OR52N4: variants seen among roughly 807,000 people sequenced by gnomAD.
The protein encoded by OR52N4 is olfactory receptor 52N4.
A neutral mutation model predicts 15.0 loss-of-function variants in OR52N4; 15 were observed. That is an observed-to-expected ratio of 1.00 (90% CI 0.67 to 1.54). The LOEUF (loss-of-function observed/expected upper bound fraction) is 1.54, where lower values mean the gene tolerates loss of function less well. Ranked by LOEUF, OR52N4 falls within the 40% of genes most tolerant of loss-of-function variation. The pLI is 0.00. For synonymous variants in OR52N4, 143 were observed against 143.7 expected (o/e 1.00, Z 0.03); for missense variants, 421 against 394.0 (o/e 1.07, Z -0.58).
chr11:5,752,784 C>A (rs1854216704), upstream of OR52N4, among the ~76,000 whole-genome samples: 1 of 152,120 alleles, frequency 6.6e-6, no homozygotes, highest in Non-Finnish European at 1.5e-5. Context: ...GACCCTTCTA[C>A]CACATACTGC....
the OR52N4 span, among the ~76,000 whole-genome samples, chr11:5,743,950 G>T: frequency 6.6e-6 from 1 of 151,708 alleles, no homozygotes; most frequent in African/African-American, 2.4e-5. Flanking sequence ...TTGGTTCTTT[G>T]AAAAGATAAA....
chr11:5,730,354 G>A, the OR52N4 span, among the ~76,000 whole-genome samples: 1 of 151,818 alleles, frequency 6.6e-6, no homozygotes, highest in Non-Finnish European at 1.5e-5. Flanking sequence ...ACCATGCCTG[G>A]CTAATTTTTT....
the OR52N4 span, among the ~76,000 whole-genome samples, chr11:5,740,304 G>C: frequency 7.8e-6 from 1 of 127,658 alleles, no homozygotes; most frequent in African/African-American, 2.8e-5. Context: ...GCATTTGAAA[G>C]GTATGTGGAG....
At chr11:5,745,867 AGTAAC>A in the OR52N4 span, among the ~76,000 whole-genome samples, 1 of 152,188 alleles carries the variant, frequency 6.6e-6, no homozygotes, top group Non-Finnish European at 1.5e-5. Flanking sequence ...ACAATGCTAT[AGTAAC>A]CAAAACAGCA....
At position 5,755,218 on chromosome 11, in the gene OR52N4, C is replaced by T. The variant is rs753069247; in HGVS notation, c.478C>T (p.Pro160Ser). ...CCTGAGAGGGGTATTACTCATTATT[C>T]CCTTTACTTTCCTCACCAAGCTCCT... ...TFLRGVLLII[P>S]FTFLTKLLPY... Residue 160 changes from proline to serine, a missense_variant, in exon 2 of 2, where the codon CCC becomes TCC. By Grantham distance (74) the Pro-to-Ser change is moderately conservative (BLOSUM62 -1). Transcript: ENST00000641350. 1.2e-6 allele frequency: 2 copies of T among 1,613,970 alleles called. No homozygotes were observed. Among genetic ancestry groups the T allele is most frequent in the Non-Finnish European group, 1.7e-6 (2 of 1,179,944 alleles).
At chr11:5,736,458 G>T in the OR52N4 span, 1 of 1,475,048 alleles carries the variant, frequency 6.8e-7, no homozygotes, top group Non-Finnish European at 9.4e-7. Context: ...TTCTGTGGTG[G>T]TTCCAACCTG....
At chr11:5,727,656 G>T in the OR52N4 span, among the ~76,000 whole-genome samples, 1 of 152,116 alleles carries the variant, frequency 6.6e-6, no homozygotes, top group South Asian at 2.1e-4. Context: ...GTAAACATGG[G>T]AAGATTCTTG....
chr11:5,754,625 A>T, intron 1 of OR52N4, 68 bp from the exon 2 acceptor site: 1 of 1,135,398 alleles, frequency 8.8e-7, no homozygotes, highest in Non-Finnish European at 1.2e-6. Flanking sequence ...TGGAATTTTT[A>T]AAAGTTGGGG....
chr11:5,734,688 T>C, the OR52N4 span, among the ~76,000 whole-genome samples: 1 of 152,126 alleles, frequency 6.6e-6, no homozygotes, highest in Non-Finnish European at 1.5e-5. Context: ...GATATTAGGA[T>C]GTAAAGTAAT....
At position 5,754,973 on chromosome 11, in the gene OR52N4, G is replaced by C. The variant is rs190345271; in HGVS notation, c.233G>C (p.Ser78Thr). Reference protein sequence around the residue: ...LSFTDLVMCSSTIPKALCIFW... With the variant: ...LSFTDLVMCSTTIPKALCIFW... ...TTTACTGACCTTGTTATGTGCTCTA[G>C]TACAATCCCTAAAGCCCTCTGCATC... is the stretch of plus-strand genomic sequence containing the variant. Residue 78 changes from serine (S) to threonine (T), a missense_variant, in exon 2 of 2, where the codon AGT (serine) becomes ACT (threonine). By Grantham distance (58) the Ser-to-Thr change is moderately conservative. Coordinates refer to ENST00000641350, the MANE Select transcript of OR52N4 (RefSeq NM_001005175.5). The C allele has an allele frequency of 6.2e-7, 1 of 1,613,800 alleles. No individual in the cohort carries two copies. Among genetic ancestry groups the C allele is most frequent in the Non-Finnish European group, 8.5e-7 (1 of 1,179,852 alleles).
In OR52N4 at chr11:5,754,906, G is replaced by C. The variant is rs1351136950; in HGVS notation, c.166G>C (p.Ala56Pro). Residue 56 changes from alanine to proline, a missense_variant, in exon 2 of 2, where the codon GCC becomes CCC. Coordinates refer to ENST00000641350, the MANE Select transcript of OR52N4 (RefSeq NM_001005175.5). Reference protein sequence around the residue: ...GLLYLIHYEDALHKPMYYFLA... With the variant: ...GLLYLIHYEDPLHKPMYYFLA... The stretch of plus-strand genomic sequence containing the variant: ...CCTCTACCTCATTCACTATGAGGAT[G>C]CCCTGCACAAACCCATGTACTACTT... 6.2e-7 allele frequency: 1 copy of C among 1,613,682 alleles called. No homozygotes were observed. Among genetic ancestry groups the C allele is most frequent in the Non-Finnish European group, 8.5e-7 (1 of 1,179,794 alleles).
Position 5,755,465 on chromosome 11 carries a change from C to T in OR52N4, c.725C>T (p.Thr242Ile), listed in dbSNP as rs757013236. Residue 242 changes from threonine to isoleucine, a missense_variant, in exon 2 of 2, where the codon ACC (threonine) becomes ATC (isoleucine). Coordinates refer to ENST00000641350, the MANE Select transcript of OR52N4 (RefSeq NM_001005175.5). ...SADARQKAFN[T>I]CTAHICAIVF... ...GATGCTCGGCAGAAGGCCTTTAATA[C>T]CTGCACTGCCCACATTTGTGCCATT... The T allele has an allele frequency of 1.9e-6, 3 of 1,614,082 alleles. No homozygotes were observed. Among genetic ancestry groups the T allele is most frequent in the Non-Finnish European group, 1.7e-6 (2 of 1,179,970 alleles).
At chr11:5,738,960 T>C in the OR52N4 span, among the ~76,000 whole-genome samples, 2 of 81,238 alleles carry the variant, frequency 2.5e-5, 1 homozygote, top group African/African-American at 8.5e-5. Context: ...AGAAAGTCTG[T>C]TATACATTAT....
In OR52N4 at chr11:5,754,941, G is replaced by A. The variant is rs956160207; in HGVS notation, c.201G>A (p.Met67Ile). 1 of 1,613,646 alleles carries A rather than the reference G, an allele frequency of 6.2e-7. No homozygotes were observed. The highest frequency in any genetic ancestry group is 1.3e-5 in the African/African-American group (1 of 74,888). The change falls in exon 2 of 2, where the codon ATG becomes ATA. Residue 67 changes from methionine (M) to isoleucine (I), a missense_variant. Transcript: ENST00000641350. ...AACCCATGTACTACTTCTTGGCCATGCTTTCCTTTACTGACCTTGTTATGT... is the reference window on the plus strand; with the variant it reads ...AACCCATGTACTACTTCTTGGCCATACTTTCCTTTACTGACCTTGTTATGT... Reference protein sequence around the residue: ...LHKPMYYFLAMLSFTDLVMCS... With the variant: ...LHKPMYYFLAILSFTDLVMCS...
At chr11:5,729,337 G>T in the OR52N4 span, among the ~76,000 whole-genome samples, 1 of 151,706 alleles carries the variant, frequency 6.6e-6, no homozygotes, top group Non-Finnish European at 1.5e-5. Context: ...AGCCAGGATG[G>T]TCTCGATCTC....
intron 1 of OR52N4, 58 bp downstream of exon 1, chr11:5,754,363 TTAAG>T (rs1203798167): frequency 2.7e-5 from 5 of 184,342 alleles, no homozygotes; most frequent in Admixed American, 5.5e-5. Context: ...ATAGTTATAG[TTAAG>T]TAAGATATTC....
the OR52N4 span, among the ~76,000 whole-genome samples, chr11:5,728,040 G>A: frequency 6.6e-6 from 1 of 152,102 alleles, no homozygotes; most frequent in Non-Finnish European, 1.5e-5. Flanking sequence ...AATCCTTTAG[G>A]ACTTCTATGA....
the OR52N4 span, chr11:5,736,947 T>C: frequency 6.2e-7 from 1 of 1,612,244 alleles, no homozygotes; most frequent in Admixed American, 1.7e-5. Context: ...TATCCATCAA[T>C]TGTCACCAGT....
the OR52N4 span, among the ~76,000 whole-genome samples, chr11:5,748,170 T>C: frequency 6.6e-6 from 1 of 151,946 alleles, no homozygotes; most frequent in East Asian, 1.9e-4. Context: ...TTGTAATATT[T>C]ATGCTATAAT....
Sources: gnomAD v4.1 joint callset for allele counts (sites outside exome capture counted in the v4.1 genomes callset) on GRCh38, gnomAD v4.1.1 for gene constraint, MANE v1.5 for transcripts, NCBI Gene and HGNC (gene_info 2026-07-23, HGNC 2026-07-21) for gene names.